The following HS3ST5 variants were observed in gnomAD, a reference collection of about 807,000 sequenced individuals.
HS3ST5 encodes heparan sulfate glucosamine 3-O-sulfotransferase 5.
In HS3ST5, 10 loss-of-function variants were observed where a neutral mutation model predicts 25.4. That is an observed-to-expected ratio of 0.39 (90% CI 0.24 to 0.67). The LOEUF (loss-of-function observed/expected upper bound fraction) is 0.67, where lower values mean the gene tolerates loss of function less well. HS3ST5 is among the 30% of genes least tolerant of loss of function. The probability of loss-of-function intolerance (pLI) is 0.44; values close to 1 mark genes in which losing one functional copy is unlikely to be tolerated. For missense variants in HS3ST5, 324 were observed against 420.7 expected (o/e 0.77, Z 2.01); for synonymous variants, 170 against 162.4 (o/e 1.05, Z -0.36).
chr6:114,321,408 C>G (rs1582814716), intron 1 of HS3ST5, among the ~76,000 whole-genome samples: 1 of 152,036 alleles, frequency 6.6e-6, no homozygotes, highest in East Asian at 1.9e-4. Flanking sequence ...GTGAACAGCT[C>G]TGGCTCTGCC....
intron 3 of HS3ST5, among the ~76,000 whole-genome samples, chr6:114,164,815 T>C (rs1401054347): frequency 1.3e-5 from 2 of 152,182 alleles, no homozygotes; most frequent in African/African-American, 4.8e-5. Flanking sequence ...AGGAATGCAA[T>C]TAAGTGCTAA....
At chr6:114,154,901 C>T (rs2114969014) in intron 3 of HS3ST5, among the ~76,000 whole-genome samples, 1 of 152,246 alleles carries the variant, frequency 6.6e-6, no homozygotes, top group South Asian at 2.1e-4. Context: ...ATCATCTGGG[C>T]ATCTTCTATC....
At chr6:114,111,899 G>C (rs1177083300) in intron 3 of HS3ST5, among the ~76,000 whole-genome samples, 1 of 152,046 alleles carries the variant, frequency 6.6e-6, no homozygotes, top group Non-Finnish European at 1.5e-5. Flanking sequence ...CCAGTTCACT[G>C]ATTCCAGTAC....
chr6:114,140,408 G>A (rs999245157), intron 3 of HS3ST5, among the ~76,000 whole-genome samples: 2 of 152,162 alleles, frequency 1.3e-5, no homozygotes, highest in East Asian at 3.8e-4. Context: ...TTAAATAATT[G>A]TAAAAGTGGT....
At position 114,308,461 on chromosome 6, in the gene HS3ST5, C is replaced by T. The variant is rs145294839; in HGVS notation, c.-339+33734G>A. On this transcript the variant is annotated intron_variant, in intron 1 of 4. Coordinates refer to ENST00000312719, the MANE Select transcript of HS3ST5 (RefSeq NM_153612.4). ...AATTAGCCGGGCGTGGTGGCAGGCG[C>T]CTGTAGTCCCAGCTACTCGGGAGGC... is the stretch of plus-strand genomic sequence containing the variant. Among the ~76,000 whole-genome samples the T allele has an allele frequency of 8.6e-3, 1,315 of 152,142 alleles. 23 individuals are homozygous for T. Among genetic ancestry groups the T allele is most frequent in the African/African-American group, 0.03 (1,256 of 41,498 alleles).
At chr6:114,226,064 T>C (rs1459003105) in intron 2 of HS3ST5, among the ~76,000 whole-genome samples, 4 of 151,936 alleles carry the variant, frequency 2.6e-5, no homozygotes, top group East Asian at 1.9e-4. Flanking sequence ...CCGCAGCTGG[T>C]TGTAATAATG....
chr6:114,151,220 C>A (rs1433538870), intron 3 of HS3ST5, among the ~76,000 whole-genome samples: 1 of 152,172 alleles, frequency 6.6e-6, no homozygotes, highest in Non-Finnish European at 1.5e-5. Context: ...AAATAGCTAT[C>A]CGACACCACG....
At chr6:114,307,503 A>C (rs965330069) in intron 1 of HS3ST5, among the ~76,000 whole-genome samples, 12 of 152,088 alleles carry the variant, frequency 7.9e-5, no homozygotes, top group Admixed American at 7.2e-4. Flanking sequence ...ACTAGGATAA[A>C]AATTGAATTC....
intron 2 of HS3ST5, among the ~76,000 whole-genome samples, chr6:114,217,273 G>A (rs897996327): frequency 6.6e-5 from 10 of 152,190 alleles, no homozygotes; most frequent in Non-Finnish European, 1.5e-4. Flanking sequence ...TGGTTATGAT[G>A]ACAAAGTCAT....
At chr6:114,205,046 G>GT (rs942479967) in intron 2 of HS3ST5, among the ~76,000 whole-genome samples, 1 of 152,070 alleles carries the variant, frequency 6.6e-6, no homozygotes, top group African/African-American at 2.4e-5. Flanking sequence ...ACTGCCGTTT[G>GT]TTTTTTCCAA....
chr6:114,339,639 T>C (rs1421605490), intron 1 of HS3ST5, among the ~76,000 whole-genome samples: 1 of 152,130 alleles, frequency 6.6e-6, no homozygotes, highest in African/African-American at 2.4e-5. Flanking sequence ...AGAGCTGGCA[T>C]TACTCCATAG....
chr6:114,314,175 G>A (rs552048576), intron 1 of HS3ST5, among the ~76,000 whole-genome samples: 1 of 152,240 alleles, frequency 6.6e-6, no homozygotes, highest in Admixed American at 6.5e-5. Context: ...TGATCCACCC[G>A]CCTCGGCCTC....
rs192367490 is a variant in HS3ST5, at chr6:114,172,558, C to T, written c.-144-4096G>A. On this transcript the variant is annotated intron_variant, in intron 2 of 4. Coordinates refer to ENST00000312719, the MANE Select transcript of HS3ST5 (RefSeq NM_153612.4). Reference sequence around the variant, plus strand: ...ATAGGTAAAAATACAGGCACATCTGCTTTGTAAATCTTGCTAAGGCCTTTA... The same window carrying T: ...ATAGGTAAAAATACAGGCACATCTGTTTTGTAAATCTTGCTAAGGCCTTTA... Among the ~76,000 whole-genome samples, 169 of 152,330 alleles carry T rather than the reference C, an allele frequency of 1.1e-3. 1 individual carries two copies. The highest frequency in any genetic ancestry group is 3.4e-3 in the Middle Eastern group (1 of 294).
At chr6:114,174,995 GA>G (rs1172140370) in intron 2 of HS3ST5, among the ~76,000 whole-genome samples, 1 of 151,890 alleles carries the variant, frequency 6.6e-6, no homozygotes. Context: ...GTCAAAAAAA[GA>G]AAAAAGAAAA....
chr6:114,152,950 G>C (rs1582658343), intron 3 of HS3ST5, among the ~76,000 whole-genome samples: 1 of 152,150 alleles, frequency 6.6e-6, no homozygotes, highest in Non-Finnish European at 1.5e-5. Flanking sequence ...TAATTTTCAT[G>C]CTCTTTATTT....
intron 1 of HS3ST5, among the ~76,000 whole-genome samples, chr6:114,252,423 A>C (rs1027488327): frequency 6.6e-6 from 1 of 152,216 alleles, no homozygotes. Flanking sequence ...GGAATGTATA[A>C]TTCACAGGAA....
intron 2 of HS3ST5, among the ~76,000 whole-genome samples, chr6:114,173,277 C>A (rs568622009): frequency 1.3e-5 from 2 of 152,208 alleles, no homozygotes; most frequent in Admixed American, 6.5e-5. Context: ...TTTATATTCT[C>A]GATTTTGCAC....
chr6:114,311,385 T>C (rs1349891196), intron 1 of HS3ST5, among the ~76,000 whole-genome samples: 1 of 152,170 alleles, frequency 6.6e-6, no homozygotes, highest in Non-Finnish European at 1.5e-5. Context: ...AGAACGGTTA[T>C]GGTTGATTTA....
intron 1 of HS3ST5, among the ~76,000 whole-genome samples, chr6:114,247,129 A>G (rs1270159509): frequency 1.3e-5 from 2 of 152,182 alleles, no homozygotes; most frequent in Non-Finnish European, 2.9e-5. Flanking sequence ...AATTCACTCA[A>G]CTGTGGGTTA....
Sources: gnomAD v4.1 joint callset for allele counts (sites outside exome capture counted in the v4.1 genomes callset) on GRCh38, gnomAD v4.1.1 for gene constraint, MANE v1.5 for transcripts, NCBI Gene and HGNC (gene_info 2026-07-23, HGNC 2026-07-21) for gene names.